The following CAST variants were observed in gnomAD, a reference collection of about 807,000 sequenced individuals.
CAST encodes the protein calpastatin.
In CAST, 76 loss-of-function variants were observed where a neutral mutation model predicts 119.6. That is an observed-to-expected ratio of 0.64 (90% CI 0.53 to 0.77). CAST has a LOEUF of 0.77. CAST is among the 30% of genes least tolerant of loss of function. The pLI is 0.00. For missense variants in CAST, 953 were observed against 946.5 expected, an observed-to-expected ratio of 1.01 and a Z score of -0.09; for synonymous variants, 319 against 331.6, an observed-to-expected ratio of 0.96 and a Z score of 0.41.
chr5:96,725,568 A>G (rs921712665), intron 4 of CAST, among the ~76,000 whole-genome samples: 1 of 152,250 alleles, frequency 6.6e-6, no homozygotes. Flanking sequence ...ATGAGAGGTG[A>G]TTAATACACA....
At chr5:96,573,687 G>T (rs916285684) in intron 1 of CAST, among the ~76,000 whole-genome samples, 8 of 151,966 alleles carry the variant, frequency 5.3e-5, no homozygotes, top group Admixed American at 2.6e-4. Context: ...TTTGGTGAAT[G>T]CTGACATAGG....
chr5:96,451,578 C>T, the CAST span, among the ~76,000 whole-genome samples: 2 of 152,170 alleles, frequency 1.3e-5, no homozygotes, highest in African/African-American at 2.4e-5. Flanking sequence ...AGGACATAGG[C>T]ATGGGCAAAG....
chr5:96,311,188 T>C, the CAST span, among the ~76,000 whole-genome samples: 1 of 152,116 alleles, frequency 6.6e-6, no homozygotes, highest in Non-Finnish European at 1.5e-5. Flanking sequence ...TGTTGATTCA[T>C]TGGTTTTTCA....
chr5:96,233,741 T>G, the CAST span, among the ~76,000 whole-genome samples: 1 of 152,178 alleles, frequency 6.6e-6, no homozygotes, highest in Non-Finnish European at 1.5e-5. Context: ...CCACACAGCA[T>G]GTTAGAACAC....
chr5:96,244,011 A>T, the CAST span, among the ~76,000 whole-genome samples: 2 of 152,098 alleles, frequency 1.3e-5, no homozygotes, highest in South Asian at 4.1e-4. Flanking sequence ...ACATGAGTGC[A>T]CTCTTATTAT....
At chr5:95,987,884 A>G in the CAST span, among the ~76,000 whole-genome samples, 2 of 152,238 alleles carry the variant, frequency 1.3e-5, no homozygotes, top group Non-Finnish European at 2.9e-5. Context: ...TAAAGTGCTC[A>G]GCAGCCATAT....
chr5:96,721,997 C>T (rs1045969037), intron 3 of CAST, among the ~76,000 whole-genome samples: 8 of 152,200 alleles, frequency 5.3e-5, no homozygotes, highest in Non-Finnish European at 1.2e-4. Flanking sequence ...TGACACTGAA[C>T]GGACAGTTCA....
At chr5:96,566,012 G>C (rs1746462018) in intron 1 of CAST, among the ~76,000 whole-genome samples, 1 of 152,150 alleles carries the variant, frequency 6.6e-6, no homozygotes, top group South Asian at 2.1e-4. Flanking sequence ...ATCAGCCCTA[G>C]TATCCCTGAT....
At chr5:96,761,742 C>G (rs1012731041) in intron 24 of CAST, 1 of 153,528 alleles carries the variant, frequency 6.5e-6, no homozygotes, top group Non-Finnish European at 1.5e-5. Flanking sequence ...TGAAACCTGA[C>G]ACCGTATACC....
the CAST span, among the ~76,000 whole-genome samples, chr5:96,306,403 G>A: frequency 1.2e-4 from 19 of 152,068 alleles, 1 homozygote; most frequent in South Asian, 4.0e-3. Context: ...ACCAACTCCT[G>A]GCCTCACTGA....
chr5:96,224,292 G>T, the CAST span, among the ~76,000 whole-genome samples: 1 of 152,236 alleles, frequency 6.6e-6, no homozygotes, highest in South Asian at 2.1e-4. Context: ...CTACTTTTCT[G>T]TTGCCTTCTT....
At chr5:96,244,016 T>C in the CAST span, among the ~76,000 whole-genome samples, 1 of 152,224 alleles carries the variant, frequency 6.6e-6, no homozygotes, top group Non-Finnish European at 1.5e-5. Context: ...AGTGCACTCT[T>C]ATTATTCTTA....
intron 2 of CAST, chr5:96,679,459 C>T (rs567470911): frequency 6.6e-6 from 1 of 152,248 alleles, no homozygotes; most frequent in East Asian, 1.9e-4. Flanking sequence ...TCCAAACCTG[C>T]AATCAAATCT....
the CAST span, among the ~76,000 whole-genome samples, chr5:96,103,517 A>G: frequency 1.3e-5 from 2 of 151,212 alleles, no homozygotes; most frequent in African/African-American, 4.9e-5. Context: ...ATGTCCCTAC[A>G]AAGGACATGA....
At chr5:96,010,337 G>T in the CAST span, among the ~76,000 whole-genome samples, 2 of 151,930 alleles carry the variant, frequency 1.3e-5, no homozygotes, top group East Asian at 3.9e-4. Context: ...TGTGTGTCAG[G>T]GTCTCACTCT....
intron 1 of CAST, among the ~76,000 whole-genome samples, chr5:96,542,872 A>G (rs1745939184): frequency 6.6e-6 from 1 of 152,230 alleles, no homozygotes; most frequent in Non-Finnish European, 1.5e-5. Flanking sequence ...GGCAATCATT[A>G]AAAAGTCAGG....
chr5:95,994,469 G>C, the CAST span, among the ~76,000 whole-genome samples: 1 of 152,086 alleles, frequency 6.6e-6, no homozygotes, highest in South Asian at 2.1e-4. Flanking sequence ...TGGGTGTTAG[G>C]GGGAGGGTGG....
At chr5:96,721,452 G>C (rs146219678) in intron 3 of CAST, among the ~76,000 whole-genome samples, 72 of 152,200 alleles carry the variant, frequency 4.7e-4, no homozygotes, top group African/African-American at 1.7e-3. Context: ...TGTATTGGGG[G>C]TGGGGGAAGG....
chr5:96,082,154 T>A, the CAST span, among the ~76,000 whole-genome samples: 1 of 152,200 alleles, frequency 6.6e-6, no homozygotes, highest in African/African-American at 2.4e-5. Flanking sequence ...CCTCATGATC[T>A]GCCCGCCTTG....
Sources: allele counts gnomAD v4.1 joint callset (sites outside exome capture counted in the v4.1 genomes callset), GRCh38; gene constraint gnomAD v4.1.1; transcripts MANE v1.5; gene names NCBI Gene and HGNC (gene_info 2026-07-23, HGNC 2026-07-21).